ST18: variants seen among roughly 807,000 people sequenced by gnomAD.
The protein encoded by ST18 is ST18 C2H2C-type zinc finger transcription factor.
ST18 carries 50 observed loss-of-function variants against 110.0 expected under a neutral mutation model. That is an observed-to-expected ratio of 0.45 (90% confidence interval 0.36 to 0.58). The LOEUF is 0.58. ST18 is among the 20% of genes least tolerant of loss of function. The pLI is 0.00. For missense variants in ST18, 1,306 were observed against 1,280.1 expected (o/e 1.02, Z -0.31); for synonymous variants, 461 against 452.4 (o/e 1.02, Z -0.24).
intron 2 of ST18, among the ~76,000 whole-genome samples, chr8:52,362,940 G>A (rs938357128): frequency 1.7e-4 from 26 of 152,152 alleles, no homozygotes; most frequent in Non-Finnish European, 2.8e-4. Flanking sequence ...GGCCAGACGC[G>A]GTGGCTCACG....
chr8:52,285,743 A>T (rs2095460773), intron 2 of ST18, among the ~76,000 whole-genome samples: 1 of 152,168 alleles, frequency 6.6e-6, no homozygotes, highest in African/African-American at 2.4e-5. Flanking sequence ...TCCTTGGAAT[A>T]TATCCAATTT....
chr8:52,344,292 C>T (rs957638081), intron 2 of ST18, among the ~76,000 whole-genome samples: 1 of 151,956 alleles, frequency 6.6e-6, no homozygotes, highest in African/African-American at 2.4e-5. Flanking sequence ...TAGAGTCTTG[C>T]CATTTTTTAA....
At chr8:52,218,888 T>G (rs2085505136) in intron 5 of ST18, among the ~76,000 whole-genome samples, 1 of 146,802 alleles carries the variant, frequency 6.8e-6, no homozygotes, top group African/African-American at 2.5e-5. Flanking sequence ...GAGGAAGATC[T>G]GTGGCTGCTG....
At chr8:52,171,085 T>A (rs903291519) in intron 10 of ST18, among the ~76,000 whole-genome samples, 14 of 152,122 alleles carry the variant, frequency 9.2e-5, no homozygotes, top group Admixed American at 6.5e-4. Flanking sequence ...AAAATACTCA[T>A]CTTAAACAAG....
chr8:52,232,297 A>G (rs1277040716), intron 2 of ST18, among the ~76,000 whole-genome samples: 1 of 152,226 alleles, frequency 6.6e-6, no homozygotes, highest in Non-Finnish European at 1.5e-5. Flanking sequence ...CAAGAAAGAA[A>G]CAGCAATTAT....
chr8:52,392,165 T>C (rs1352271178), intron 2 of ST18, among the ~76,000 whole-genome samples: 1 of 152,224 alleles, frequency 6.6e-6, no homozygotes, highest in Non-Finnish European at 1.5e-5. Flanking sequence ...TAAGAGTATC[T>C]ACATGAGAGG....
chr8:52,153,832 T>C (rs2059380064), intron 15 of ST18, among the ~76,000 whole-genome samples: 1 of 152,252 alleles, frequency 6.6e-6, no homozygotes, highest in Admixed American at 6.5e-5. Flanking sequence ...ACTGTTTCTT[T>C]ATCTGCAAAA....
At chr8:52,266,425 G>A (rs1446631998) in intron 2 of ST18, among the ~76,000 whole-genome samples, 1 of 152,112 alleles carries the variant, frequency 6.6e-6, no homozygotes, top group Non-Finnish European at 1.5e-5. Flanking sequence ...ATGGTAACAG[G>A]AGCAAACCCT....
chr8:52,178,656 A>G (rs2068054147), intron 9 of ST18, among the ~76,000 whole-genome samples: 1 of 145,250 alleles, frequency 6.9e-6, no homozygotes, highest in Admixed American at 6.9e-5. Flanking sequence ...ACCAAAAACC[A>G]AAATAAAACA....
At chr8:52,276,624 C>T (rs532112434) in intron 2 of ST18, among the ~76,000 whole-genome samples, 60 of 152,240 alleles carry the variant, frequency 3.9e-4, no homozygotes, top group Non-Finnish European at 2.2e-4. Context: ...TCATGCACCC[C>T]CAATGCCACC....
intron 2 of ST18, among the ~76,000 whole-genome samples, chr8:52,237,445 TATTA>T (rs558694032): frequency 2.6e-4 from 39 of 152,344 alleles, no homozygotes; most frequent in African/African-American, 7.5e-4. Flanking sequence ...AATCAGGAAC[TATTA>T]ATTATTTCCA....
chr8:52,262,903 T>A (rs1433680937), intron 2 of ST18, among the ~76,000 whole-genome samples: 5 of 152,212 alleles, frequency 3.3e-5, no homozygotes, highest in African/African-American at 1.2e-4. Context: ...AAGGCATAAG[T>A]GACTGTCTCC....
chr8:52,236,421 C>T lies in ST18; in HGVS notation c.-464-6344G>A, dbSNP rs141977129. ...GTTCAGGAGTTCAAGACCAACCTAG[C>T]CAACATGGTGAAACCCTGTCTCTAC... On this transcript the variant is annotated intron_variant, in intron 2 of 25. Coordinates refer to ENST00000689386, the MANE Select transcript of ST18 (RefSeq NM_001352837.2). 9.1e-4 allele frequency among the ~76,000 whole-genome samples: 139 copies of T among 152,146 alleles called. 2 individuals carry two copies. Among genetic ancestry groups the T allele is most frequent in the African/African-American group, 3.1e-3 (129 of 41,522 alleles).
At chr8:52,395,472 C>T (rs201595360) in intron 2 of ST18, among the ~76,000 whole-genome samples, 9 of 152,258 alleles carry the variant, frequency 5.9e-5, no homozygotes, top group East Asian at 1.9e-4. Context: ...AAGGGAACCA[C>T]GAAGATATCT....
intron 2 of ST18, among the ~76,000 whole-genome samples, chr8:52,247,179 A>G (rs17313844): frequency 0.12 from 17,634 of 152,230 alleles, 1,380 homozygotes; most frequent in Middle Eastern, 0.21. Flanking sequence ...GTGAATCAGA[A>G]TAAAAGTCCA....
intron 2 of ST18, among the ~76,000 whole-genome samples, chr8:52,361,334 A>G (rs888574028): frequency 1.3e-5 from 2 of 152,246 alleles, no homozygotes; most frequent in African/African-American, 4.8e-5. Flanking sequence ...ATCACACCAC[A>G]GTCTCCGATG....
chr8:52,183,392 T>TTAGGTTC (rs2070688382), intron 8 of ST18, among the ~76,000 whole-genome samples: 1 of 152,144 alleles, frequency 6.6e-6, no homozygotes, highest in African/African-American at 2.4e-5. Flanking sequence ...TTGAAGACTA[T>TTAGGTTC]AAAAATAAAG....
chr8:52,389,926 CCAACAACAACAA>C (rs377203606), intron 2 of ST18, among the ~76,000 whole-genome samples: 1 of 151,832 alleles, frequency 6.6e-6, no homozygotes, highest in Admixed American at 6.6e-5. Context: ...TATATTTACT[CCAACAACAACAA>C]CAACAACAAC....
rs750537055 is a variant in ST18, at chr8:52,149,875, T to C, written c.1909A>G (p.Ile637Val). Residue 637 changes from isoleucine (I) to valine (V), a missense_variant, in exon 16 of 26, where the codon ATT becomes GTT. Coordinates refer to ENST00000689386, the MANE Select transcript of ST18 (RefSeq NM_001352837.2). ...AATGGGGAAGAGGAAGGAGTTGGAATAGAAGTGTTAGAGGAAGTTAGGGGT... is the reference window on the plus strand; with the variant it reads ...AATGGGGAAGAGGAAGGAGTTGGAACAGAAGTGTTAGAGGAAGTTAGGGGT... Reference protein sequence around the residue: ...SAPLTSSNTSIPTPSSSPFKT... With the variant: ...SAPLTSSNTSVPTPSSSPFKT... 2 of 1,614,198 alleles carry C rather than the reference T, an allele frequency of 1.2e-6. No homozygotes were observed. The highest frequency in any genetic ancestry group is 1.7e-5 in the Admixed American group (1 of 60,020).
Sources: gnomAD v4.1 joint callset for allele counts (sites outside exome capture counted in the v4.1 genomes callset) on GRCh38, gnomAD v4.1.1 for gene constraint, MANE v1.5 for transcripts, NCBI Gene and HGNC (gene_info 2026-07-23, HGNC 2026-07-21) for gene names.